The following SLC29A2 variants were observed in gnomAD, a reference collection of about 807,000 sequenced individuals.
The protein encoded by SLC29A2 is solute carrier family 29 member 2.
Under a neutral mutation model 48.8 loss-of-function variants are expected in SLC29A2, and 37 were observed. The ratio of observed to expected loss-of-function variants is 0.76; its 90% CI spans 0.58 to 1.00. The LOEUF (loss-of-function observed/expected upper bound fraction) is 1.00. Ranked by LOEUF, SLC29A2 falls within the 50% of genes least tolerant of loss-of-function variation. The pLI, the probability that SLC29A2 is intolerant of heterozygous loss-of-function variation, is 0.00. For synonymous variants in SLC29A2, 233 were observed against 261.7 expected (o/e 0.89, Z 1.06); for missense variants, 533 against 578.6 (o/e 0.92, Z 0.81).
intron 10 of SLC29A2, among the ~76,000 whole-genome samples, chr11:66,365,340 G>A (rs891076063): frequency 2.6e-5 from 4 of 152,190 alleles, no homozygotes; most frequent in Non-Finnish European, 4.4e-5. Flanking sequence ...CTGGGGCCTG[G>A]GCCAAGTCCA....
chr11:66,365,884 G>A, intron 10 of SLC29A2, 52 bp downstream of exon 10: 1 of 1,544,572 alleles, frequency 6.5e-7, no homozygotes, highest in African/African-American at 1.4e-5. Context: ...CAAGCCCTCG[G>A]ATCCCAAACT....
rs1856053838 is a variant in SLC29A2, at chr11:66,371,646, C to T, written c.-55G>A. ...AAGGGGCAGAGAAGCCGCACCTGCA[C>T]CTGCGCTGGGGCGGAGGGCCGCAGA... On this transcript the variant is annotated 5_prime_UTR_variant, in exon 1 of 12. In the 5' UTR this introduces an upstream ATG that the reference lacks. Transcript: ENST00000357440. 5.2e-6 allele frequency: 8 copies of T among 1,526,690 alleles called. No individual in the cohort carries two copies. Among genetic ancestry groups the T allele is most frequent in the South Asian group, 1.2e-5 (1 of 83,676 alleles). The allele number at this position is 1,526,690 out of a possible 1,614,324, so 94.6% of individuals were successfully genotyped here. A position where few individuals can be genotyped will look rare whatever the true frequency, so the allele number is the denominator to read the frequency against.
chr11:66,366,317 C>T, intron 8 of SLC29A2, 86 bp from the exon 9 acceptor site: 1 of 1,603,356 alleles, frequency 6.2e-7, no homozygotes, highest in South Asian at 1.1e-5. Flanking sequence ...GAGCAGGACA[C>T]TTGGGGCCTG....
In SLC29A2 at chr11:66,363,138, C is replaced by G; in HGVS notation, c.*298G>C. 1 of 412,204 alleles carries G rather than the reference C, an allele frequency of 2.4e-6. No individual in the cohort carries two copies. Among genetic ancestry groups the G allele is most frequent in the East Asian group, 5.4e-5 (1 of 18,622 alleles). The allele number at this position is 412,204 out of a possible 1,614,324, so 25.5% of individuals were successfully genotyped here. A position where few individuals can be genotyped will look rare whatever the true frequency, so the allele number is the denominator to read the frequency against. ...CTGATGATGATGAACAAATGCAGAC[C>G]TGGTGGTGGGGAGCAGCCGTGCCCT... is the stretch of plus-strand genomic sequence containing the variant. On this transcript the variant is annotated 3_prime_UTR_variant, in exon 12 of 12. Transcript: ENST00000357440.
chr11:66,369,503 G>T lies in SLC29A2; in HGVS notation c.141C>A (p.Gly47=), dbSNP rs8187646. ...PYFQARLAGA[G]NSTARILSTN... is the part of the protein sequence containing the mutation. ...TGCTCAGGATCCTGGCTGTGCTGTT[G>T]CCGGCCCCGGCCAGTCGCGCCTGGA... Residue 47 remains glycine, a synonymous_variant, in exon 3 of 12, where the codon GGC becomes GGA. Coordinates refer to ENST00000357440, the MANE Select transcript of SLC29A2 (RefSeq NM_001532.3). 1.9e-6 allele frequency: 3 copies of T among 1,613,918 alleles called. No homozygotes were observed. The highest frequency in any genetic ancestry group is 2.5e-6 in the Non-Finnish European group (3 of 1,179,970).
In SLC29A2 at chr11:66,365,961, C is replaced by T. The variant is rs904441075; in HGVS notation, c.1034G>A (p.Arg345Gln). The T allele has an allele frequency of 2.2e-5, 35 of 1,614,056 alleles. No homozygotes were observed. Among genetic ancestry groups the T allele is most frequent in the East Asian group, 4.5e-5 (2 of 44,904 alleles). ...LLFNIMDWLG[R>Q]SLTSYFLWPD... ...CCACAGGAAGTAAGAGGTCAGGCTC[C>T]GTCCCAGCCAGTCCATGATGTTGAA... Residue 345 changes from arginine to glutamine, a missense_variant, in exon 10 of 12, where the codon CGG (arginine) becomes CAG (glutamine). Coordinates refer to ENST00000357440, the MANE Select transcript of SLC29A2 (RefSeq NM_001532.3).
At chr11:66,369,816 C>T (rs538374802) in intron 2 of SLC29A2, among the ~76,000 whole-genome samples, 1 of 152,218 alleles carries the variant, frequency 6.6e-6, no homozygotes, top group Non-Finnish European at 1.5e-5. Context: ...CATCCCCACT[C>T]CTGCAGCAGC....
At chr11:66,367,706 GC>G in intron 6 of SLC29A2, 65 bp downstream of exon 6, 1 of 1,529,596 alleles carries the variant, frequency 6.5e-7, no homozygotes, top group Non-Finnish European at 9.1e-7. Flanking sequence ...CTCTCTCAGG[GC>G]CTCAGGCTCA....
In SLC29A2 at chr11:66,366,116, T is replaced by G; in HGVS notation, c.973+10A>C. ...CCCTGCCCTGCCGTCTTCTCCACCCTGACACTCACTCCACTTCCCAGGACT... is the reference window on the plus strand; with the variant it reads ...CCCTGCCCTGCCGTCTTCTCCACCCGGACACTCACTCCACTTCCCAGGACT... On this transcript the variant is annotated intron_variant, in intron 9 of 11. Transcript: ENST00000357440. 6.2e-7 allele frequency: 1 copy of G among 1,612,336 alleles called. No individual in the cohort carries two copies. Among genetic ancestry groups the G allele is most frequent in the Non-Finnish European group, 8.5e-7 (1 of 1,178,582 alleles).
At chr11:66,371,183 A>C in intron 2 of SLC29A2, 61 bp downstream of exon 2, 1 of 1,482,156 alleles carries the variant, frequency 6.7e-7, no homozygotes, top group East Asian at 2.3e-5. Flanking sequence ...CTTCATCCAA[A>C]GGGCTGGAGG....
chr11:66,367,758 A>C lies in SLC29A2; in HGVS notation c.648+14T>G. On this transcript the variant is annotated intron_variant, in intron 6 of 11. Coordinates refer to ENST00000357440, the MANE Select transcript of SLC29A2 (RefSeq NM_001532.3). The stretch of plus-strand genomic sequence containing the variant: ...TGCTTTGAGGTGGGGCCTCGAGCCC[A>C]ACAGCAGGCTCACCAGGTGAGGCAG... 6.2e-7 allele frequency: 1 copy of C among 1,611,004 alleles called. No individual in the cohort carries two copies. Among genetic ancestry groups the C allele is most frequent in the Non-Finnish European group, 8.5e-7 (1 of 1,177,106 alleles).
chr11:66,365,247 C>A (rs890545228), intron 10 of SLC29A2, among the ~76,000 whole-genome samples: 3 of 149,822 alleles, frequency 2.0e-5, no homozygotes, highest in African/African-American at 7.5e-5. Context: ...ACGCCTGGCC[C>A]ACCCATAGGA....
chr11:66,369,332 T>G (rs1310747753), intron 3 of SLC29A2, 37 bp downstream of exon 3: 1 of 1,613,030 alleles, frequency 6.2e-7, no homozygotes, highest in South Asian at 1.1e-5. Flanking sequence ...TGAAGCTGCC[T>G]CGGCAGAGGG....
At chr11:66,369,968 G>C (rs181356600) in intron 2 of SLC29A2, among the ~76,000 whole-genome samples, 1 of 152,192 alleles carries the variant, frequency 6.6e-6, no homozygotes, top group Admixed American at 6.5e-5. Context: ...TCAACACCCC[G>C]ATTCATGCCT....
intron 7 of SLC29A2, among the ~76,000 whole-genome samples, 180 bp downstream of exon 7, chr11:66,367,284 T>G (rs1041265815): frequency 2.6e-5 from 4 of 152,194 alleles, no homozygotes; most frequent in Non-Finnish European, 4.4e-5. Context: ...AGGTGGAAAC[T>G]GAGGCCCAAA....
rs1336679120 is a variant in SLC29A2 at position 66,366,093 on chromosome 11, C to G, written c.973+33G>C. ...TCCCGTCCTCTCCCCTTTGTACCCC[C>G]TGCCCTGCCGTCTTCTCCACCCTGA... is the stretch of plus-strand genomic sequence containing the variant. On this transcript the variant is annotated intron_variant, in intron 9 of 11. Coordinates refer to ENST00000357440, the MANE Select transcript of SLC29A2 (RefSeq NM_001532.3). The G allele has an allele frequency of 1.3e-5, 21 of 1,606,704 alleles. 1 individual carries two copies. The African/African-American group carries it at 1.3e-4, about 10-fold the overall frequency.
chr11:66,367,793 A>G lies in SLC29A2; in HGVS notation c.627T>C (p.Cys209=), dbSNP rs376261315. 7 of 1,614,044 alleles carry G rather than the reference A, an allele frequency of 4.3e-6. No individual in the cohort carries two copies. The African/African-American group carries it at 8.0e-5, about 18-fold the overall frequency. Reference sequence around the variant, plus strand: ...TCACCAGGTGAGGCAGGCTCAGGTAACACACGATGGACATGAGGATGCCCA... The same window carrying G: ...TCACCAGGTGAGGCAGGCTCAGGTAGCACACGATGGACATGAGGATGCCCA... The part of the protein sequence containing the change: ...PCVGILMSIV[C]YLSLPHLKFA... The change falls in exon 6 of 12, where the codon TGT becomes TGC. Residue 209 remains cysteine, a synonymous_variant. Coordinates refer to ENST00000357440, the MANE Select transcript of SLC29A2 (RefSeq NM_001532.3).
At chr11:66,370,689 C>T (rs1855984156) in intron 2 of SLC29A2, among the ~76,000 whole-genome samples, 1 of 151,944 alleles carries the variant, frequency 6.6e-6, no homozygotes, top group Non-Finnish European at 1.5e-5. Context: ...AACCCCGTCT[C>T]TACTAAAAAT....
chr11:66,371,223 C>T, intron 2 of SLC29A2, 21 bp downstream of exon 2: 2 of 1,610,476 alleles, frequency 1.2e-6, no homozygotes, highest in Non-Finnish European at 1.7e-6. Context: ...CACGAGGCTG[C>T]CACGCCGCCA....
Sources: allele counts gnomAD v4.1 joint callset (sites outside exome capture counted in the v4.1 genomes callset), GRCh38; gene constraint gnomAD v4.1.1; transcripts MANE v1.5; gene names NCBI Gene and HGNC (gene_info 2026-07-23, HGNC 2026-07-21).